TMEM237: variants seen among roughly 807,000 people sequenced by gnomAD.
TMEM237 encodes the protein transmembrane protein 237, also known as amyotrophic lateral sclerosis 2 (juvenile) chromosome region, candidate 4.
TMEM237 carries 51 observed loss-of-function variants against 59.1 expected under a neutral mutation model. The observed-to-expected ratio is 0.86, with a 90% CI of 0.69 to 1.09. TMEM237 has a LOEUF of 1.09. TMEM237 is among the 50% of genes least tolerant of loss of function. The probability of loss-of-function intolerance (pLI) is 0.00; values close to 1 mark genes in which losing one functional copy is unlikely to be tolerated. For synonymous variants in TMEM237, 140 were observed against 166.1 expected (o/e 0.84, Z 1.21); for missense variants, 475 against 478.3 (o/e 0.99, Z 0.06).
chr2:201,626,250 G>A, intron 11 of TMEM237, 103 bp from the exon 12 acceptor site: 1 of 1,239,538 alleles, frequency 8.1e-7, no homozygotes, highest in Non-Finnish European at 1.1e-6. Context: ...TCCTCTCCTA[G>A]AGAAATAACA....
chr2:201,628,032 TA>T (rs1957774416), intron 10 of TMEM237, 43 bp downstream of exon 10: 1 of 1,389,400 alleles, frequency 7.2e-7, no homozygotes, highest in Non-Finnish European at 9.9e-7. Flanking sequence ...AATTATGGTA[TA>T]ACTGAAGTAT....
At position 201,639,031 on chromosome 2, in the gene TMEM237, T is replaced by C. The variant is rs1249502343; in HGVS notation, c.94A>G (p.Ser32Gly). ...PVPSQDDIPL[S>G]RPKKKKPRTK... is the part of the protein sequence containing the mutation. Reference sequence around the variant, plus strand: ...CTGGGCTTCTTTTTCTTAGGACGACTAAGTGGAATATCATCTATAAAGCAA... The same window carrying C: ...CTGGGCTTCTTTTTCTTAGGACGACCAAGTGGAATATCATCTATAAAGCAA... Residue 32 changes from serine (S) to glycine (G), a missense_variant, in exon 4 of 13, where the codon AGT becomes GGT. Coordinates refer to ENST00000409883, the MANE Select transcript of TMEM237 (RefSeq NM_001044385.3). 2 of 1,581,354 alleles carry C rather than the reference T, an allele frequency of 1.3e-6. No homozygotes were observed. Among genetic ancestry groups the C allele is most frequent in the Non-Finnish European group, 1.7e-6 (2 of 1,162,662 alleles).
Position 201,629,412 on chromosome 2 carries a change from A to AAT in TMEM237, c.686_687insAT (p.Leu230PhefsTer18). On this transcript the variant is annotated frameshift_variant, in exon 9 of 13. Transcript: ENST00000409883. LOFTEE classifies it high-confidence loss of function. ...CAGCCAAGAATCCATGAGAAAAGAGACCAATCATCCTGAATGGAAAAGGGT... is the reference window on the plus strand; with the variant it reads ...CAGCCAAGAATCCATGAGAAAAGAGAATCCAATCATCCTGAATGGAAAAGGGT... 6.4e-7 allele frequency: 1 copy of AAT among 1,568,902 alleles called. No homozygotes were observed. The highest frequency in any genetic ancestry group is 8.6e-7 in the Non-Finnish European group (1 of 1,164,908).
At chr2:201,637,325 G>A (rs1687316416) in intron 4 of TMEM237, among the ~76,000 whole-genome samples, 1 of 152,200 alleles carries the variant, frequency 6.6e-6, no homozygotes, top group South Asian at 2.1e-4. Flanking sequence ...ATTGGAGTTA[G>A]CAGGTAATTT....
At chr2:201,642,783 G>T (rs972849445) in intron 1 of TMEM237, 2 of 1,426,396 alleles carry the variant, frequency 1.4e-6, no homozygotes, top group Non-Finnish European at 1.8e-6. Flanking sequence ...GCGGTGAGAG[G>T]CGTGCAGGGA....
chr2:201,638,204 G>C (rs1212169220), intron 4 of TMEM237, among the ~76,000 whole-genome samples: 2 of 152,194 alleles, frequency 1.3e-5, no homozygotes, highest in African/African-American at 2.4e-5. Context: ...AGAACTCTAT[G>C]TATTAAGAAA....
rs1278677697 is a variant in TMEM237 at position 201,620,880 on chromosome 2, A to G, written c.*3375T>C. Reference sequence around the variant, plus strand: ...TTTCACATCCTATTAGTGGGCTCACACTGTTAGTTGCTAATCTCAAAAGAT... The same window carrying G: ...TTTCACATCCTATTAGTGGGCTCACGCTGTTAGTTGCTAATCTCAAAAGAT... On this transcript the variant is annotated 3_prime_UTR_variant, in exon 13 of 13. Coordinates refer to ENST00000409883, the MANE Select transcript of TMEM237 (RefSeq NM_001044385.3). 6.6e-6 allele frequency: 1 copy of G among 152,198 alleles called. No homozygotes were observed. Among genetic ancestry groups the G allele is most frequent in the African/African-American group, 2.4e-5 (1 of 41,456 alleles). 9.4% of individuals were successfully genotyped at this position (152,198 alleles called of 1,614,324 possible).
At chr2:201,641,243 T>G (rs1422171232) in intron 1 of TMEM237, among the ~76,000 whole-genome samples, 3 of 152,166 alleles carry the variant, frequency 2.0e-5, no homozygotes, top group African/African-American at 7.2e-5. Flanking sequence ...CCGCCCACCT[T>G]GGCCTCTGAA....
In TMEM237 at chr2:201,633,386, A is replaced by G. The variant is rs1687222187; in HGVS notation, c.320T>C (p.Leu107Ser). Residue 107 changes from leucine to serine, a missense_variant, in exon 6 of 13, where the codon TTA (leucine) becomes TCA (serine). Physicochemically the swap from Leu to Ser is moderately radical, Grantham distance 145 (BLOSUM62 -2). Coordinates refer to ENST00000409883, the MANE Select transcript of TMEM237 (RefSeq NM_001044385.3). ...ATCAATACCATTTTCATTTCGTAATAAAGATGAACTAGATGACTTCTTTTG... is the reference window on the plus strand; with the variant it reads ...ATCAATACCATTTTCATTTCGTAATGAAGATGAACTAGATGACTTCTTTTG... ...STQKKSSSSS[L>S]LRNENGIDAE... The G allele has an allele frequency of 6.3e-7, 1 of 1,583,688 alleles. No homozygotes were observed.
chr2:201,641,113 T>C (rs549611474), intron 1 of TMEM237, among the ~76,000 whole-genome samples, 189 bp from the exon 2 acceptor site: 253 of 152,148 alleles, frequency 1.7e-3, no homozygotes, highest in African/African-American at 5.4e-3. Context: ...TGCCTCAGCC[T>C]CCCAAGTAGC....
intron 1 of TMEM237, chr2:201,642,709 G>T: frequency 6.4e-7 from 1 of 1,568,026 alleles, no homozygotes; most frequent in Non-Finnish European, 8.6e-7. Context: ...GCGCGCAGGC[G>T]CAATGCGTCA....
chr2:201,628,200 A>T, intron 9 of TMEM237, 51 bp from the exon 10 acceptor site: 1 of 1,325,850 alleles, frequency 7.5e-7, no homozygotes, highest in Non-Finnish European at 1.1e-6. Context: ...ACTTAACAAA[A>T]CTTTACTTTC....
In TMEM237 at chr2:201,622,421, ATT is replaced by A; in HGVS notation, c.*1832_*1833del. On this transcript the variant is annotated 3_prime_UTR_variant, in exon 13 of 13. Coordinates refer to ENST00000409883, the MANE Select transcript of TMEM237 (RefSeq NM_001044385.3). ...CTTCCTTTCTTGGCTCTAGGGGAGG[ATT>A]TGTTTCCTTGCTCATTTGGGATACT... The A allele has an allele frequency of 6.6e-6, 1 of 152,064 alleles. No homozygotes were observed. The allele number at this position is 152,064 out of a possible 1,614,324, so 9.4% of individuals were successfully genotyped here. A position where few individuals can be genotyped will look rare whatever the true frequency, so the allele number is the denominator to read the frequency against.
At chr2:201,627,814 T>C (rs1431520086) in intron 10 of TMEM237, among the ~76,000 whole-genome samples, 1 of 152,152 alleles carries the variant, frequency 6.6e-6, no homozygotes, top group Non-Finnish European at 1.5e-5. Context: ...TAATGTCAAG[T>C]AGAAAATACA....
chr2:201,635,131 G>A lies in TMEM237; in HGVS notation c.274+1617C>T, dbSNP rs1009724120. Among the ~76,000 whole-genome samples, 5 of 152,132 alleles carry A rather than the reference G, an allele frequency of 3.3e-5. No individual in the cohort carries two copies. Among genetic ancestry groups the A allele is most frequent in the African/African-American group, 9.7e-5 (4 of 41,422 alleles). ...TCCTCCTTCTAAAACTTCTACCACT[G>A]TAACACTGCTATATTCTTCCATTCT... On this transcript the variant is annotated intron_variant, in intron 5 of 12. Coordinates refer to ENST00000409883, the MANE Select transcript of TMEM237 (RefSeq NM_001044385.3). The surrounding 1 kb of genome is among the most constrained non-coding windows in gnomAD (Gnocchi z 4.5).
intron 5 of TMEM237, chr2:201,634,924 A>G (rs1687267187): frequency 2.3e-6 from 1 of 439,472 alleles, no homozygotes; most frequent in African/African-American, 2.0e-5. Flanking sequence ...GAAAATTATA[A>G]TAAATTATTA....
Position 201,642,615 on chromosome 2 carries a change from A to G in TMEM237, c.42+744T>C, listed in dbSNP as rs1559591685. 3 of 1,608,848 alleles carry G rather than the reference A, an allele frequency of 1.9e-6. No homozygotes were observed. In the South Asian group the frequency reaches 3.3e-5, roughly 18 times the overall value. ...GTAGCTAAGGCTCGCTTACCACAGGATTCTTCCCCATTCTGCGTTTAGCCG... is the reference window on the plus strand; with the variant it reads ...GTAGCTAAGGCTCGCTTACCACAGGGTTCTTCCCCATTCTGCGTTTAGCCG... On this transcript the variant is annotated intron_variant, in intron 1 of 12. Coordinates refer to ENST00000409883, the MANE Select transcript of TMEM237 (RefSeq NM_001044385.3).
chr2:201,642,688 G>C (rs1294889156), intron 1 of TMEM237: 3 of 1,596,716 alleles, frequency 1.9e-6, no homozygotes, highest in Non-Finnish European at 1.7e-6. Context: ...CACCCCTCCC[G>C]GCTCGGTCGC....
intron 1 of TMEM237, chr2:201,642,661 C>G: frequency 3.7e-6 from 6 of 1,607,886 alleles, no homozygotes; most frequent in Non-Finnish European, 5.1e-6. Flanking sequence ...CCGCCGGCCC[C>G]CAAGCACCTG....
Sources: allele counts gnomAD v4.1 joint callset (sites outside exome capture counted in the v4.1 genomes callset), GRCh38; gene constraint gnomAD v4.1.1; non-coding constraint Gnocchi (gnomAD v3.1); transcripts MANE v1.5; gene names NCBI Gene and HGNC (gene_info 2026-07-23, HGNC 2026-07-21).